FHOD3: variants seen among roughly 807,000 people sequenced by gnomAD.
FHOD3 encodes the protein formin homology 2 domain containing 3.
Under a neutral mutation model 173.0 loss-of-function variants are expected in FHOD3, and 90 were observed. The observed-to-expected ratio is 0.52, with a 90% CI of 0.44 to 0.62. The LOEUF (loss-of-function observed/expected upper bound fraction) is 0.62. Among genes scored for constraint, FHOD3 ranks in the 20% least tolerant of loss-of-function variants. The probability of loss-of-function intolerance (pLI) is 0.00; values close to 1 mark genes in which losing one functional copy is unlikely to be tolerated. For synonymous variants in FHOD3, 828 were observed against 823.0 expected, an observed-to-expected ratio of 1.01 and a Z score of -0.10; for missense variants, 1,945 against 2,034.7, an observed-to-expected ratio of 0.96 and a Z score of 0.85.
At chr18:36,430,261 G>A (rs1160192438) in intron 3 of FHOD3, among the ~76,000 whole-genome samples, 8 of 152,232 alleles carry the variant, frequency 5.3e-5, no homozygotes, top group African/African-American at 7.2e-5. Context: ...TTGTTGCCCA[G>A]TCTGCAGTGC....
At chr18:36,466,900 TATTA>T (rs1164479545) in intron 3 of FHOD3, among the ~76,000 whole-genome samples, 5 of 152,068 alleles carry the variant, frequency 3.3e-5, no homozygotes, top group African/African-American at 1.2e-4. Flanking sequence ...TTTAGGCTAC[TATTA>T]CCTTGTTTAC....
At position 36,718,316 on chromosome 18, in the gene FHOD3, T is replaced by C; in HGVS notation, c.3018T>C (p.Ile1006=). ...DFTDLGEEDD[I]DVLDVDLGHR... is the part of the protein sequence containing the mutation. ...CTGACCTGGGGGAGGAGGATGACAT[T>C]GATGTCCTAGATGTGGACCTGGGTC... Residue 1006 remains isoleucine, a synonymous_variant, in exon 19 of 29, where the codon ATT becomes ATC. Transcript: ENST00000590592. The C allele has an allele frequency of 6.2e-7, 1 of 1,614,054 alleles. No homozygotes were observed.
intron 3 of FHOD3, among the ~76,000 whole-genome samples, chr18:36,422,572 T>C (rs973739948): frequency 2.6e-5 from 4 of 152,306 alleles, no homozygotes; most frequent in South Asian, 4.1e-4. Context: ...TTGCCTTCCA[T>C]AGGGCTTGTT....
At chr18:36,684,506 A>G (rs1357016044) in intron 15 of FHOD3, among the ~76,000 whole-genome samples, 1 of 152,096 alleles carries the variant, frequency 6.6e-6, no homozygotes, top group Non-Finnish European at 1.5e-5. Context: ...AAAAAAAAAT[A>G]AAAGATATAA....
intron 6 of FHOD3, among the ~76,000 whole-genome samples, chr18:36,581,690 A>G (rs1299774659): frequency 6.6e-6 from 1 of 152,158 alleles, no homozygotes; most frequent in East Asian, 1.9e-4. Flanking sequence ...ACACACATAC[A>G]TACATGCTCG....
chr18:36,738,305 G>A (rs753689605), intron 20 of FHOD3, among the ~76,000 whole-genome samples: 4 of 152,204 alleles, frequency 2.6e-5, no homozygotes. Flanking sequence ...ACAAGTGTTT[G>A]TGTCAAAGTA....
intron 10 of FHOD3, 60 bp downstream of exon 10, chr18:36,625,809 A>G: frequency 7.2e-7 from 1 of 1,394,426 alleles, no homozygotes; most frequent in South Asian, 1.5e-5. Context: ...GAGAGCCCAC[A>G]GGTGCCTGCC....
At chr18:36,563,442 G>T (rs1365667304) in intron 5 of FHOD3, among the ~76,000 whole-genome samples, 6 of 152,196 alleles carry the variant, frequency 3.9e-5, no homozygotes, top group Admixed American at 3.9e-4. Context: ...TTAAACCCTT[G>T]TGTCTCTCAG....
intron 3 of FHOD3, among the ~76,000 whole-genome samples, chr18:36,449,844 A>G (rs1307443237): frequency 1.3e-5 from 2 of 152,164 alleles, no homozygotes; most frequent in Non-Finnish European, 2.9e-5. Flanking sequence ...ATGAACACTA[A>G]AAATTATATA....
intron 5 of FHOD3, among the ~76,000 whole-genome samples, chr18:36,575,054 T>C (rs948937365): frequency 6.6e-6 from 1 of 151,832 alleles, no homozygotes; most frequent in African/African-American, 2.4e-5. Context: ...CACTGCCACC[T>C]CCGCCTCCTG....
intron 16 of FHOD3, among the ~76,000 whole-genome samples, chr18:36,692,020 A>T (rs1403520471): frequency 1.3e-5 from 2 of 152,200 alleles, no homozygotes; most frequent in Admixed American, 1.3e-4. Flanking sequence ...CAAGGCCAAG[A>T]TCACTTCCAG....
At chr18:36,402,251 T>G (rs2048848469) in intron 3 of FHOD3, among the ~76,000 whole-genome samples, 1 of 152,070 alleles carries the variant, frequency 6.6e-6, no homozygotes, top group African/African-American at 2.4e-5. Flanking sequence ...TGTTCTTCTT[T>G]TCACATGGCA....
intron 1 of FHOD3, 125 bp downstream of exon 1, chr18:36,298,125 G>A (rs1275759018): frequency 2.5e-6 from 2 of 804,266 alleles, no homozygotes; most frequent in African/African-American, 3.7e-5. Context: ...GGGGACCATC[G>A]CTCGAGGGCA....
intron 3 of FHOD3, among the ~76,000 whole-genome samples, chr18:36,455,590 G>C (rs1293613644): frequency 6.9e-6 from 1 of 145,710 alleles, no homozygotes; most frequent in African/African-American, 2.6e-5. Context: ...AAAAAAAAAA[G>C]CTGTCTAGGG....
At chr18:36,354,387 A>C (rs563278873) in intron 1 of FHOD3, among the ~76,000 whole-genome samples, 14 of 152,016 alleles carry the variant, frequency 9.2e-5, no homozygotes, top group African/African-American at 3.4e-4. Flanking sequence ...CTCATTTTAC[A>C]GAGTCCTCAT....
intron 14 of FHOD3, among the ~76,000 whole-genome samples, chr18:36,673,341 C>T (rs576368018): frequency 3.6e-4 from 55 of 152,202 alleles, no homozygotes; most frequent in South Asian, 2.3e-3. Flanking sequence ...TGTTTATTTC[C>T]GAATCTAAGA....
At chr18:36,461,289 G>A (rs1020202888) in intron 3 of FHOD3, among the ~76,000 whole-genome samples, 3 of 152,166 alleles carry the variant, frequency 2.0e-5, no homozygotes, top group Non-Finnish European at 4.4e-5. Flanking sequence ...TTCCTGAAGG[G>A]AGAAGGAACT....
chr18:36,722,841 C>T (rs28730271), intron 19 of FHOD3, among the ~76,000 whole-genome samples: 2,387 of 152,310 alleles, frequency 0.016, 56 homozygotes, highest in African/African-American at 0.054. Context: ...CCCACCACCA[C>T]TCTCCACATT....
chr18:36,701,782 G>A (rs1280353768), intron 17 of FHOD3, among the ~76,000 whole-genome samples: 1 of 152,170 alleles, frequency 6.6e-6, no homozygotes, highest in Non-Finnish European at 1.5e-5. Context: ...AACCGTGATT[G>A]TCAAAACCAT....
Sources: allele counts gnomAD v4.1 joint callset (sites outside exome capture counted in the v4.1 genomes callset), GRCh38; gene constraint gnomAD v4.1.1; transcripts MANE v1.5; gene names NCBI Gene and HGNC (gene_info 2026-07-23, HGNC 2026-07-21).